Variants in DMBT1 observed in about 807,000 individuals in gnomAD.
DMBT1 encodes the protein scavenger receptor cysteine-rich domain-containing protein DMBT1.
DMBT1 carries 198 observed loss-of-function variants against 252.9 expected under a neutral mutation model. That is an observed-to-expected ratio of 0.78 (90% CI 0.70 to 0.88). The LOEUF is 0.88. Ranked by LOEUF, DMBT1 falls within the 40% of genes least tolerant of loss-of-function variation. The probability of loss-of-function intolerance (pLI) is 0.00; values close to 1 mark genes in which losing one functional copy is unlikely to be tolerated. For synonymous variants in DMBT1, 990 were observed against 942.7 expected (o/e 1.05, Z -0.92); for missense variants, 2,432 against 2,404.7 (o/e 1.01, Z -0.24).
intron 41 of DMBT1, 48 bp downstream of exon 41, chr10:122,618,388 C>G (rs1324191365): frequency 2.5e-6 from 4 of 1,613,308 alleles, no homozygotes; most frequent in Non-Finnish European, 3.4e-6. Flanking sequence ...GAAGTTTGCT[C>G]AGGAAGAAAA....
intron 1 of DMBT1, among the ~76,000 whole-genome samples, chr10:122,564,648 A>G (rs1183550984): frequency 6.6e-6 from 1 of 151,194 alleles, no homozygotes; most frequent in Non-Finnish European, 1.5e-5. Context: ...TTTTTTTAGC[A>G]AAATAAGATG....
intron 26 of DMBT1, 99 bp downstream of exon 26, chr10:122,599,196 A>G (rs924082793): frequency 2.5e-6 from 4 of 1,580,284 alleles, no homozygotes; most frequent in East Asian, 2.2e-5. Context: ...AGCTTCTTCT[A>G]TGTTTTCTAT....
intron 14 of DMBT1, 128 bp from the exon 15 acceptor site, chr10:122,585,142 TG>T: frequency 8.0e-7 from 1 of 1,251,866 alleles, no homozygotes; most frequent in Non-Finnish European, 1.1e-6. Flanking sequence ...GGCAGACACA[TG>T]GGGAGCAAAG....
intron 46 of DMBT1, among the ~76,000 whole-genome samples, chr10:122,629,073 AC>A (rs1565953530): frequency 6.6e-6 from 1 of 152,248 alleles, no homozygotes. Flanking sequence ...AAAATGTTTG[AC>A]CACTTAATAT....
chr10:122,581,002 A>G (rs1327772661), intron 11 of DMBT1, 107 bp downstream of exon 11: 1 of 1,501,430 alleles, frequency 6.7e-7, no homozygotes, highest in Non-Finnish European at 9.1e-7. Flanking sequence ...ACTGTGGGGC[A>G]TATTATTTCC....
chr10:122,597,320 A>G (rs3013247), intron 24 of DMBT1, among the ~76,000 whole-genome samples: 38 of 152,198 alleles, frequency 2.5e-4, no homozygotes, highest in Admixed American at 1.3e-3. Context: ...TTAGGAAGTG[A>G]CCTCATATTT....
chr10:122,597,996 G>C lies in DMBT1; in HGVS notation c.2940G>C (p.Leu980Phe). ...PSPDTLPTIT[L>F]PASTVGSESS... ...CAGACACATTGCCGACCATCACCTT[G>C]CCTGCATCGACAGTAGGTAAATATT... The change falls in exon 25 of 56, where the codon TTG becomes TTC. Residue 980 changes from leucine to phenylalanine, a missense_variant. Around this residue, in one of 3 missense-constraint regions of DMBT1, gnomAD observed 1,264 missense variants for 1,082.2 expected, o/e 1.17. Transcript: ENST00000338354. The C allele has an allele frequency of 6.2e-7, 1 of 1,613,858 alleles. No homozygotes were observed. The highest frequency in any genetic ancestry group is 1.7e-4 in the Middle Eastern group (1 of 6,058).
rs78947326 is a variant in DMBT1, at chr10:122,638,336, T to C, written c.6942+1024T>C. On this transcript the variant is annotated intron_variant, in intron 54 of 55. Transcript: ENST00000338354. ...TCGTTCACACCCATTCACACCCGTT[T>C]GGAGCGGCCAGACAACTCTGTCAGC... is the stretch of plus-strand genomic sequence containing the variant. Among the ~76,000 whole-genome samples the C allele has an allele frequency of 5.2e-4, 70 of 135,082 alleles. 1 individual carries two copies. In the East Asian group the frequency reaches 0.013, roughly 25 times the overall value. The allele number at this position is 135,082 out of a possible 152,430, so 88.6% of individuals were successfully genotyped here.
chr10:122,617,016 G>C (rs927912090), intron 39 of DMBT1, among the ~76,000 whole-genome samples: 1 of 139,280 alleles, frequency 7.2e-6, no homozygotes, highest in East Asian at 2.7e-4. Flanking sequence ...CCCAGGATTA[G>C]AGAAATGGAG....
chr10:122,598,547 G>T (rs1299744167), intron 25 of DMBT1, among the ~76,000 whole-genome samples: 1 of 152,146 alleles, frequency 6.6e-6, no homozygotes, highest in African/African-American at 2.4e-5. Flanking sequence ...ACTTCAGTAG[G>T]GTCACAGATG....
rs185390297 is a variant in DMBT1 at position 122,631,944 on chromosome 10, T to C, written c.6367+69T>C. 23 of 1,535,238 alleles carry C rather than the reference T, an allele frequency of 1.5e-5. 1 individual carries two copies. Among genetic ancestry groups the C allele is most frequent in the Middle Eastern group, 3.4e-4 (2 of 5,944 alleles). ...CTCTCCATTACTGCTGCCTAGACTG[T>C]GCAGGGCATGTTGCTCACTCTCCAA... On this transcript the variant is annotated intron_variant, in intron 50 of 55. Transcript: ENST00000338354.
intron 27 of DMBT1, 62 bp from the exon 28 acceptor site, chr10:122,600,929 T>C (rs931814367): frequency 3.5e-5 from 24 of 686,572 alleles, no homozygotes; most frequent in Middle Eastern, 7.3e-4. Context: ...CCAGAGAACC[T>C]TTTGTTCTGC....
At chr10:122,589,721 G>C (rs1251083128) in intron 17 of DMBT1, among the ~76,000 whole-genome samples, 1 of 148,386 alleles carries the variant, frequency 6.7e-6, no homozygotes, top group Admixed American at 6.7e-5. Flanking sequence ...GGCCTGAGCA[G>C]AGGTCACGTG....
chr10:122,579,558 GT>G lies in DMBT1; in HGVS notation c.680-18del. On this transcript the variant is annotated intron_variant, in intron 9 of 55. Coordinates refer to ENST00000338354, the MANE Select transcript of DMBT1 (RefSeq NM_001377530.1). Reference sequence around the variant, plus strand: ...ACCTCATGATAGGGATGGATGAAGGGTTCTTGTGTTCCCCTGTAGGATCTGA... The same window carrying G: ...ACCTCATGATAGGGATGGATGAAGGGTCTTGTGTTCCCCTGTAGGATCTGA... 6.2e-7 allele frequency: 1 copy of G among 1,612,366 alleles called. No homozygotes were observed. Among genetic ancestry groups the G allele is most frequent in the Non-Finnish European group, 8.5e-7 (1 of 1,179,710 alleles).
intron 55 of DMBT1, among the ~76,000 whole-genome samples, chr10:122,641,437 C>T (rs78220245): frequency 6.6e-6 from 1 of 152,288 alleles, no homozygotes; most frequent in East Asian, 1.9e-4. Context: ...TGGGCAGATT[C>T]AATTCGACAC....
chr10:122,586,514 C>T, intron 16 of DMBT1, 131 bp downstream of exon 16: 1 of 1,388,752 alleles, frequency 7.2e-7, no homozygotes, highest in Non-Finnish European at 9.6e-7. Context: ...TTAGCTCTCT[C>T]CTAGGAAACC....
At chr10:122,568,216 T>C (rs1295035608) in intron 2 of DMBT1, among the ~76,000 whole-genome samples, 1 of 152,104 alleles carries the variant, frequency 6.6e-6, no homozygotes, top group Admixed American at 6.5e-5. Context: ...TGGAGCATGA[T>C]GACATCCTTA....
At chr10:122,628,423 G>A (rs1309766553) in intron 46 of DMBT1, among the ~76,000 whole-genome samples, 2 of 152,152 alleles carry the variant, frequency 1.3e-5, no homozygotes, top group Non-Finnish European at 2.9e-5. Flanking sequence ...ATTGGCTGAG[G>A]TCAGGACTTC....
rs779047990 is a variant in DMBT1 at position 122,636,081 on chromosome 10, C to G, written c.6639C>G (p.Ala2213=). Residue 2213 remains alanine, a synonymous_variant, in exon 53 of 56, where the codon GCC becomes GCG. Coordinates refer to ENST00000338354, the MANE Select transcript of DMBT1 (RefSeq NM_001377530.1). ...TCATTGCTCGAGTTTGTGATGGGGC[C>G]AGAGGCTCCTTCACTTCTTCCTCCA... ...SPLIARVCDG[A]RGSFTSSSNF... 1 of 1,613,976 alleles carries G rather than the reference C, an allele frequency of 6.2e-7. No homozygotes were observed. The highest frequency in any genetic ancestry group is 8.5e-7 in the Non-Finnish European group (1 of 1,179,878).
Sources: gnomAD v4.1 joint callset for allele counts (sites outside exome capture counted in the v4.1 genomes callset) on GRCh38, gnomAD v4.1.1 for gene constraint, gnomAD v4.1.1 regional missense constraint, MANE v1.5 for transcripts, NCBI Gene and HGNC (gene_info 2026-07-23, HGNC 2026-07-21) for gene names.